KHDRBS1: variants seen among roughly 807,000 people sequenced by gnomAD.
The protein encoded by KHDRBS1 is KH RNA binding domain containing, signal transduction associated 1, also known as KH domain-containing, RNA-binding, signal transduction-associated protein 1.
In KHDRBS1, 7 loss-of-function variants were observed where a neutral mutation model predicts 48.4. That is an observed-to-expected ratio of 0.14 (90% CI 0.08 to 0.27). KHDRBS1 has a LOEUF of 0.27. Among genes scored for constraint, KHDRBS1 ranks in the 10% least tolerant of loss-of-function variants. The pLI, the probability that KHDRBS1 is intolerant of heterozygous loss-of-function variation, is 1.00. For synonymous variants in KHDRBS1, 241 were observed against 235.8 expected (o/e 1.02, Z -0.20); for missense variants, 458 against 601.2 (o/e 0.76, Z 2.49).
At chr1:32,015,056 G>A (rs640991) in intron 1 of KHDRBS1, among the ~76,000 whole-genome samples, 146,405 of 152,294 alleles carry the variant, frequency 0.96, 70,392 homozygotes, top group East Asian at 1. Flanking sequence ...AAGGAGTGAA[G>A]TAACCCTAGA....
chr1:32,027,752 A>G (rs1639003601), intron 1 of KHDRBS1, among the ~76,000 whole-genome samples: 1 of 152,202 alleles, frequency 6.6e-6, no homozygotes, highest in Admixed American at 6.6e-5. Flanking sequence ...TCTCTAAGGC[A>G]TGTCAGAGTC....
intron 10 of KHDRBS1, among the ~76,000 whole-genome samples, chr1:32,049,809 G>T (rs1354180300): frequency 1.3e-5 from 2 of 151,822 alleles, no homozygotes; most frequent in African/African-American, 4.8e-5. Context: ...ATATAGGCAC[G>T]TGCCACCACA....
At chr1:32,051,287 C>T (rs889345231) in intron 10 of KHDRBS1, among the ~76,000 whole-genome samples, 5 of 152,142 alleles carry the variant, frequency 3.3e-5, no homozygotes, top group African/African-American at 1.2e-4. Context: ...GTCTTGTCGC[C>T]CTTATCAAAA....
chr1:32,050,587 A>G (rs1337974697), intron 10 of KHDRBS1, among the ~76,000 whole-genome samples: 1 of 151,754 alleles, frequency 6.6e-6, no homozygotes, highest in East Asian at 1.9e-4. Context: ...ATCTCAGTTC[A>G]CTGCAACCTC....
At chr1:32,040,509 G>A (rs904091028) in intron 8 of KHDRBS1, among the ~76,000 whole-genome samples, 1 of 152,180 alleles carries the variant, frequency 6.6e-6, no homozygotes, top group Non-Finnish European at 1.5e-5. Context: ...TTGTTGGCTT[G>A]AAGACATCAA....
chr1:32,017,779 G>A (rs978170518), intron 1 of KHDRBS1, among the ~76,000 whole-genome samples: 4 of 151,446 alleles, frequency 2.6e-5, no homozygotes, highest in African/African-American at 4.9e-5. Context: ...GGCTAATTTC[G>A]TATTTTTAGT....
intron 1 of KHDRBS1, among the ~76,000 whole-genome samples, chr1:32,027,660 A>G (rs1435950758): frequency 1.3e-5 from 2 of 152,206 alleles, no homozygotes; most frequent in African/African-American, 2.4e-5. Context: ...ACCAGGAAGT[A>G]TGTGTCTATT....
intron 10 of KHDRBS1, among the ~76,000 whole-genome samples, chr1:32,055,181 G>A (rs1330394593): frequency 6.6e-6 from 1 of 152,168 alleles, no homozygotes; most frequent in East Asian, 1.9e-4. Context: ...CGGGTGCGGT[G>A]GGTCACGCCG....
intron 3 of KHDRBS1, among the ~76,000 whole-genome samples, chr1:32,032,307 C>T (rs1639096806): frequency 6.6e-6 from 1 of 152,138 alleles, no homozygotes; most frequent in African/African-American, 2.4e-5. Flanking sequence ...TCTTTCAACC[C>T]TCCTTTTATG....
Position 32,039,533 on chromosome 1 carries a change from C to T in KHDRBS1, c.1194C>T (p.Asp398=). ...SQSQGDSEYY[D]YGHGEVQDSY... Reference sequence around the variant, plus strand: ...CTTTCAGGGACTCAGAATATTATGACTATGGACATGGGGAGGTTCAAGATT... The same window carrying T: ...CTTTCAGGGACTCAGAATATTATGATTATGGACATGGGGAGGTTCAAGATT... The change falls in exon 8 of 9, where the codon GAC becomes GAT. Residue 398 remains aspartate (D), a synonymous_variant. Coordinates refer to ENST00000327300, the MANE Select transcript of KHDRBS1 (RefSeq NM_006559.3). 2 of 1,514,596 alleles carry T rather than the reference C, an allele frequency of 1.3e-6. No homozygotes were observed. Among genetic ancestry groups the T allele is most frequent in the Non-Finnish European group, 1.8e-6 (2 of 1,089,324 alleles). The allele number at this position is 1,514,596 out of a possible 1,614,324, so 93.8% of individuals were successfully genotyped here. A position where few individuals can be genotyped will look rare whatever the true frequency, so the allele number is the denominator to read the frequency against.
intron 1 of KHDRBS1, among the ~76,000 whole-genome samples, chr1:32,015,864 A>AGT (rs1354070300): frequency 3.3e-5 from 5 of 152,198 alleles, no homozygotes; most frequent in Admixed American, 2.0e-4. Context: ...AAGATAGAAT[A>AGT]GTAGTATTTA....
chr1:32,048,910 T>G lies in KHDRBS1; in HGVS notation n.1301+3520T>G, dbSNP rs570373504. Among the ~76,000 whole-genome samples, 34 of 152,124 alleles carry G rather than the reference T, an allele frequency of 2.2e-4. 1 individual carries two copies. In the South Asian group the frequency reaches 4.4e-3, roughly 20 times the overall value. On this transcript the variant is annotated intron_variant and non_coding_transcript_variant, in intron 10 of 10. Coordinates refer to the KHDRBS1 transcript ENST00000484270. ...AGGCTACTACTCTGCTTTCTGTCTC[T>G]AAAGATGACAAGGGTTTAGCCTCCA...
intron 1 of KHDRBS1, among the ~76,000 whole-genome samples, chr1:32,014,585 G>A (rs1638696960): frequency 6.6e-6 from 1 of 152,226 alleles, no homozygotes; most frequent in Non-Finnish European, 1.5e-5. Context: ...AGGCCCGAAG[G>A]CGACTTTGCG....
intron 10 of KHDRBS1, among the ~76,000 whole-genome samples, chr1:32,049,506 A>G (rs1418993603): frequency 6.6e-6 from 1 of 150,898 alleles, no homozygotes; most frequent in Non-Finnish European, 1.5e-5. Context: ...ATTGACAGGC[A>G]TTTGGATTAT....
chr1:32,053,804 C>T (rs1351063786), intron 10 of KHDRBS1, among the ~76,000 whole-genome samples: 3 of 152,134 alleles, frequency 2.0e-5, no homozygotes, highest in African/African-American at 4.8e-5. Context: ...TTCACCAGGC[C>T]GGGTGCAGTG....
intron 7 of KHDRBS1, 136 bp from the exon 8 acceptor site, chr1:32,039,379 G>A (rs914267504): frequency 1.4e-5 from 9 of 642,392 alleles, no homozygotes; most frequent in African/African-American, 1.1e-4. Flanking sequence ...AATACTTTAC[G>A]GTTTAGGGAT....
At chr1:32,023,906 T>C (rs1254761183) in intron 1 of KHDRBS1, among the ~76,000 whole-genome samples, 1 of 152,160 alleles carries the variant, frequency 6.6e-6, no homozygotes, top group East Asian at 1.9e-4. Context: ...TTAAATAAAG[T>C]GTGCCCCCCA....
intron 1 of KHDRBS1, among the ~76,000 whole-genome samples, chr1:32,022,917 A>T (rs1335166798): frequency 6.6e-6 from 1 of 152,078 alleles, no homozygotes; most frequent in Non-Finnish European, 1.5e-5. Context: ...AGTTAATGAT[A>T]TATTTGTATT....
intron 1 of KHDRBS1, among the ~76,000 whole-genome samples, chr1:32,028,468 A>G (rs1376216262): frequency 6.9e-6 from 1 of 145,850 alleles, no homozygotes; most frequent in Non-Finnish European, 1.5e-5. Context: ...GGGAGTATAT[A>G]TATATACACG....
Sources: allele counts gnomAD v4.1 joint callset (sites outside exome capture counted in the v4.1 genomes callset), GRCh38; gene constraint gnomAD v4.1.1; transcripts MANE v1.5; gene names NCBI Gene and HGNC (gene_info 2026-07-23, HGNC 2026-07-21).